KCNMA1: variants seen among roughly 807,000 people sequenced by gnomAD.
The protein encoded by KCNMA1 is Calcium-activated potassium channel subunit alpha-1.
Under a neutral mutation model 140.0 loss-of-function variants are expected in KCNMA1, and 29 were observed. The observed-to-expected ratio is 0.21, with a 90% CI of 0.15 to 0.28. The LOEUF (loss-of-function observed/expected upper bound fraction) is 0.28. KCNMA1 is among the 10% of genes least tolerant of loss of function. KCNMA1 has a pLI of 1.00. For synonymous variants in KCNMA1, 612 were observed against 611.9 expected (o/e 1.00, Z 0.00); for missense variants, 880 against 1,602.2 (o/e 0.55, Z 7.70).
At chr10:76,941,018 GAAGA>G (rs758943097) in intron 23 of KCNMA1, among the ~76,000 whole-genome samples, 946 of 38,244 alleles carry the variant, frequency 0.025, 22 homozygotes, top group South Asian at 0.064. Flanking sequence ...AGGAAGGAAG[GAAGA>G]AAGAAAGAAA....
intron 16 of KCNMA1, chr10:77,020,351 CT>C (rs1390873248): frequency 6.6e-6 from 1 of 152,126 alleles, no homozygotes; most frequent in African/African-American, 2.4e-5. Context: ...GTTGGGAGAC[CT>C]CCGAGCAGAT....
intron 1 of KCNMA1, among the ~76,000 whole-genome samples, chr10:77,574,517 A>G (rs2073275232): frequency 6.6e-6 from 1 of 152,178 alleles, no homozygotes; most frequent in Admixed American, 6.5e-5. Flanking sequence ...TCCCAGACTG[A>G]AAATCAAAAA....
intron 1 of KCNMA1, among the ~76,000 whole-genome samples, chr10:77,485,566 G>C (rs2098450734): frequency 6.6e-6 from 1 of 152,212 alleles, no homozygotes; most frequent in Non-Finnish European, 1.5e-5. Flanking sequence ...TGTAAGTAAG[G>C]ATGGCTCAGC....
chr10:77,566,380 A>G (rs1268649442), intron 1 of KCNMA1, among the ~76,000 whole-genome samples: 2 of 152,190 alleles, frequency 1.3e-5, no homozygotes, highest in African/African-American at 2.4e-5. Flanking sequence ...ATGCTGTGGA[A>G]AGCATCTGAA....
At chr10:76,964,500 T>C (rs1015996905) in intron 20 of KCNMA1, among the ~76,000 whole-genome samples, 1 of 152,112 alleles carries the variant, frequency 6.6e-6, no homozygotes, top group African/African-American at 2.4e-5. Context: ...CAAGCCTCAG[T>C]ACCATGACAC....
At chr10:77,505,185 A>G (rs113373459) in intron 1 of KCNMA1, among the ~76,000 whole-genome samples, 64 of 152,344 alleles carry the variant, frequency 4.2e-4, no homozygotes, top group African/African-American at 1.2e-3. Flanking sequence ...ATGTGCTTAA[A>G]ATAAGTGGTA....
intron 1 of KCNMA1, among the ~76,000 whole-genome samples, chr10:77,509,245 A>G (rs1310011812): frequency 6.6e-6 from 1 of 151,934 alleles, no homozygotes; most frequent in Admixed American, 6.6e-5. Context: ...CTCAGCCTCC[A>G]GTAGCTGGGA....
intron 2 of KCNMA1, among the ~76,000 whole-genome samples, chr10:77,334,290 T>G (rs1431305377): frequency 6.6e-6 from 1 of 151,978 alleles, no homozygotes; most frequent in East Asian, 1.9e-4. Flanking sequence ...GTAAGACTCT[T>G]TAAGAATCAC....
chr10:77,252,556 T>TGTGTGTGTGTGTGTGTGC (rs1341882275), intron 2 of KCNMA1, among the ~76,000 whole-genome samples: 303 of 149,278 alleles, frequency 2.0e-3, no homozygotes, highest in African/African-American at 6.6e-3. Flanking sequence ...TGTGTGTGTG[T>TGTGTGTGTGTGTGTGTGC]GCGGGCACGT....
chr10:77,627,964 A>G (rs1374353944), intron 1 of KCNMA1, among the ~76,000 whole-genome samples: 1 of 152,172 alleles, frequency 6.6e-6, no homozygotes, highest in African/African-American at 2.4e-5. Context: ...GTTGTCTACT[A>G]ATCTACAAAC....
At chr10:77,324,300 T>A (rs1279350905) in intron 2 of KCNMA1, among the ~76,000 whole-genome samples, 1 of 152,024 alleles carries the variant, frequency 6.6e-6, no homozygotes, top group African/African-American at 2.4e-5. Flanking sequence ...ATTCTTAAAC[T>A]TTTCCAGTGT....
intron 1 of KCNMA1, among the ~76,000 whole-genome samples, chr10:77,632,823 C>T (rs892646449): frequency 1.3e-5 from 2 of 152,212 alleles, no homozygotes; most frequent in Non-Finnish European, 2.9e-5. Context: ...CTGGCATTTG[C>T]AGGGTGCTAT....
At chr10:77,218,520 G>T (rs374374432) in intron 3 of KCNMA1, among the ~76,000 whole-genome samples, 1 of 152,014 alleles carries the variant, frequency 6.6e-6, no homozygotes, top group African/African-American at 2.4e-5. Context: ...GCTCCTGCAG[G>T]CATTTTCACT....
rs769567650 is a variant in KCNMA1, at chr10:77,112,458, C to T, written c.885-16G>A. On this transcript the variant is annotated splice_polypyrimidine_tract_variant and intron_variant, in intron 6 of 27. Transcript: ENST00000286628. The stretch of plus-strand genomic sequence containing the variant: ...GATGGAATTACTGTGCAAGAGACAA[C>T]AAGCAAAATCCCCACGTTACCAAGG... The T allele has an allele frequency of 1.2e-5, 19 of 1,605,604 alleles. No homozygotes were observed. Among genetic ancestry groups the T allele is most frequent in the Non-Finnish European group, 1.5e-5 (18 of 1,172,438 alleles).
chr10:77,636,476 G>T, intron 1 of KCNMA1: 3 of 1,536,192 alleles, frequency 2.0e-6, no homozygotes, highest in Non-Finnish European at 2.6e-6. Flanking sequence ...CTCCAGCTCC[G>T]CGCTGCTGGT....
At chr10:77,521,411 A>C (rs189545849) in intron 1 of KCNMA1, among the ~76,000 whole-genome samples, 1 of 152,206 alleles carries the variant, frequency 6.6e-6, no homozygotes, top group East Asian at 1.9e-4. Flanking sequence ...TGGTGGCAGC[A>C]AAGTGCAAGA....
At chr10:77,165,775 C>A (rs892259080) in intron 5 of KCNMA1, among the ~76,000 whole-genome samples, 2 of 152,180 alleles carry the variant, frequency 1.3e-5, no homozygotes, top group Admixed American at 6.5e-5. Context: ...ACTAAATAGT[C>A]TTTGGACCCT....
At chr10:77,392,097 A>T (rs987904705) in intron 2 of KCNMA1, among the ~76,000 whole-genome samples, 1 of 140,646 alleles carries the variant, frequency 7.1e-6, no homozygotes, top group Admixed American at 7.1e-5. Context: ...TGGGTTGGGA[A>T]GGAGGGAGGG....
chr10:77,378,179 C>A (rs566082630), intron 2 of KCNMA1, among the ~76,000 whole-genome samples: 5 of 152,166 alleles, frequency 3.3e-5, no homozygotes, highest in African/African-American at 1.2e-4. Context: ...GCCACCGAGC[C>A]GACAGGCCAT....
Sources: gnomAD v4.1 joint callset for allele counts (sites outside exome capture counted in the v4.1 genomes callset) on GRCh38, gnomAD v4.1.1 for gene constraint, MANE v1.5 for transcripts, NCBI Gene and HGNC (gene_info 2026-07-23, HGNC 2026-07-21) for gene names.